The following FADS2 variants were observed in gnomAD, a reference collection of about 807,000 sequenced individuals.
FADS2 encodes the protein acyl-CoA 6-desaturase.
A neutral mutation model predicts 61.2 loss-of-function variants in FADS2; 18 were observed. The ratio of observed to expected loss-of-function variants is 0.29; its 90% CI spans 0.20 to 0.44. FADS2 has a LOEUF of 0.44. Among genes scored for constraint, FADS2 ranks in the 20% least tolerant of loss-of-function variants. The pLI is 1.00. For synonymous variants in FADS2, 203 were observed against 223.9 expected (o/e 0.91, Z 0.83); for missense variants, 322 against 572.7 (o/e 0.56, Z 4.47).
chr11:61,857,278 G>T (rs1381548719), intron 6 of FADS2, among the ~76,000 whole-genome samples, 176 bp from the exon 7 acceptor site: 3 of 152,122 alleles, frequency 2.0e-5, no homozygotes, highest in Non-Finnish European at 4.4e-5. Context: ...AGTCCCAGGG[G>T]TGACACACGT....
chr11:61,821,546 G>C (rs1026526020), intron 1 of FADS2: 9 of 656,902 alleles, frequency 1.4e-5, no homozygotes, highest in Non-Finnish European at 2.5e-5. Flanking sequence ...CCTTTACAAA[G>C]TCAACACATA....
chr11:61,848,867 C>A (rs73487485), intron 5 of FADS2: 3,565 of 153,314 alleles, frequency 0.023, 145 homozygotes, highest in African/African-American at 0.081. Flanking sequence ...TGAAGGTCAG[C>A]GAGAGGATGG....
chr11:61,866,151 C>T lies in FADS2; in HGVS notation c.*462C>T, dbSNP rs545032983. On this transcript the variant is annotated 3_prime_UTR_variant, in exon 12 of 12. Transcript: ENST00000278840. ...GTCCTAGTCGGGCAGGGCCCCTGAC[C>T]CTCCCGGCCTGGCTTCACTCTCCCT... 4 of 398,878 alleles carry T rather than the reference C, an allele frequency of 1.0e-5. No individual in the cohort carries two copies. Among genetic ancestry groups the T allele is most frequent in the African/African-American group, 2.1e-5 (1 of 48,774 alleles). The allele number at this position is 398,878 out of a possible 1,614,324, so 24.7% of individuals were successfully genotyped here. A position where few individuals can be genotyped will look rare whatever the true frequency, so the allele number is the denominator to read the frequency against.
chr11:61,828,082 G>A (rs902786412), upstream of FADS2: 202 of 1,267,636 alleles, frequency 1.6e-4, no homozygotes, highest in Non-Finnish European at 2.7e-5. The surrounding 1 kb of genome is among the most constrained non-coding windows in gnomAD (Gnocchi z 6.4). Flanking sequence ...AGGTGTCGAG[G>A]CCCTGAGCTC....
chr11:61,839,475 A>G (rs1190399810), intron 2 of FADS2, among the ~76,000 whole-genome samples: 2 of 151,958 alleles, frequency 1.3e-5, no homozygotes, highest in Non-Finnish European at 2.9e-5. Context: ...GGTGCCCATC[A>G]TCATGCCTGG....
At position 61,867,013 on chromosome 11, in the gene FADS2, G is replaced by C. The variant is rs2067477082; in HGVS notation, c.*1324G>C. On this transcript the variant is annotated 3_prime_UTR_variant, in exon 12 of 12. Coordinates refer to ENST00000278840, the MANE Select transcript of FADS2 (RefSeq NM_004265.4). The stretch of plus-strand genomic sequence containing the variant: ...GGCTGGAGGTGCTGGTAGCTGAGGG[G>C]ACGGGCAAGTGAGAGGGGAGGGAGG... 6.5e-6 allele frequency: 1 copy of C among 152,688 alleles called. No homozygotes were observed. The highest frequency in any genetic ancestry group is 2.4e-5 in the African/African-American group (1 of 41,378). The allele number at this position is 152,688 out of a possible 1,614,324, so 9.5% of individuals were successfully genotyped here.
At chr11:61,857,834 C>T (rs1023384944) in intron 7 of FADS2, among the ~76,000 whole-genome samples, 38 of 152,280 alleles carry the variant, frequency 2.5e-4, no homozygotes, top group African/African-American at 8.4e-4. Flanking sequence ...CTCCCTTCCC[C>T]GCTCCCTGTG....
At chr11:61,855,830 G>A (rs1272986573) in intron 5 of FADS2, 2 of 152,326 alleles carry the variant, frequency 1.3e-5, no homozygotes, top group African/African-American at 4.8e-5. Context: ...TTGACCTCCT[G>A]ACTGCAATAA....
chr11:61,863,243 C>A (rs767907994), intron 8 of FADS2, 39 bp from the exon 9 acceptor site: 5 of 1,542,278 alleles, frequency 3.2e-6, no homozygotes, highest in Admixed American at 1.7e-5. Flanking sequence ...TGTGGCTGGG[C>A]CCCCGGAGGC....
At chr11:61,826,314 C>T (rs950290356), upstream of FADS2, 33 of 702,416 alleles carry the variant, frequency 4.7e-5, no homozygotes, top group African/African-American at 4.4e-4. Flanking sequence ...TGCTGGGAGC[C>T]GCTGGGGACC....
At chr11:61,822,289 A>G (rs930308733) in intron 1 of FADS2, among the ~76,000 whole-genome samples, 2 of 152,200 alleles carry the variant, frequency 1.3e-5, no homozygotes, top group Admixed American at 1.3e-4. Context: ...ATCATTGTAT[A>G]GAATATAGAT....
intron 8 of FADS2, 73 bp downstream of exon 8, chr11:61,863,142 T>G: frequency 6.7e-7 from 1 of 1,490,992 alleles, no homozygotes; most frequent in Non-Finnish European, 9.3e-7. Flanking sequence ...GAGAAGAGGC[T>G]CGGACGGCTC....
chr11:61,816,981 G>T lies in FADS2; in HGVS notation c.141+555G>T. 7.4e-7 allele frequency: 1 copy of T among 1,351,728 alleles called. No individual in the cohort carries two copies. Among genetic ancestry groups the T allele is most frequent in the South Asian group, 1.8e-5 (1 of 55,116 alleles). 83.7% of individuals were successfully genotyped at this position (1,351,728 alleles called of 1,614,324 possible). On this transcript the variant is annotated intron_variant, in intron 1 of 11. Coordinates refer to the FADS2 transcript ENST00000257261. The surrounding 1 kb of genome is among the most constrained non-coding windows in gnomAD (Gnocchi z 7.0). ...GAGATCCCGTCCCCCGGTGGGTCTT[G>T]GGCAACTCACAGCTGGGCTGCCAAC...
At chr11:61,844,604 C>A (rs942933081) in intron 4 of FADS2, among the ~76,000 whole-genome samples, 1 of 150,918 alleles carries the variant, frequency 6.6e-6, no homozygotes, top group African/African-American at 2.4e-5. Context: ...TTGACAGAAA[C>A]CATCAAACTC....
intron 5 of FADS2, among the ~76,000 whole-genome samples, chr11:61,851,970 G>A (rs1298292498): frequency 6.6e-6 from 1 of 152,218 alleles, no homozygotes; most frequent in East Asian, 1.9e-4. Flanking sequence ...AAGGTTTTGT[G>A]TTTCAATCTT....
At position 61,865,171 on chromosome 11, in the gene FADS2, CG is replaced by C; in HGVS notation, c.1179del (p.His394ThrfsTer10). ...CCTCAGCCTCTTCCCCACCATGCCC[CG>C]GCACAACTTACACAAGATCGCCCCG... The part of the protein sequence containing the change: ...IEHHLFPTMP[R>X]HNLHKIAPLV... On this transcript the variant is annotated frameshift_variant, in exon 11 of 12. Transcript: ENST00000278840. LOFTEE classifies it high-confidence loss of function. This position sits in a 1 kb window ranked among gnomAD's most constrained non-coding sequence, Gnocchi z 4.1. 1 of 1,613,676 alleles carries C rather than the reference CG, an allele frequency of 6.2e-7. No homozygotes were observed. Among genetic ancestry groups the C allele is most frequent in the Non-Finnish European group, 8.5e-7 (1 of 1,179,974 alleles).
Position 61,857,539 on chromosome 11 carries a change from G to A in FADS2, c.882+9G>A, listed in dbSNP as rs759794811. On this transcript the variant is annotated intron_variant, in intron 7 of 11. Coordinates refer to ENST00000278840, the MANE Select transcript of FADS2 (RefSeq NM_004265.4). ...TCCATAAGAACTGGGTGGTGAGTTG[G>A]GGACACAGCTGGCTTGGCATGGGGA... The A allele has an allele frequency of 9.3e-6, 15 of 1,611,688 alleles. No homozygotes were observed. The highest frequency in any genetic ancestry group is 1.3e-5 in the African/African-American group (1 of 74,876).
At position 61,828,456 on chromosome 11, in the gene FADS2, C is replaced by G; in HGVS notation, c.66C>G (p.Ser22Arg). The change falls in exon 1 of 12, where the codon AGC becomes AGG. Residue 22 changes from serine (S) to arginine (R), a missense_variant. Transcript: ENST00000278840. This position sits in a 1 kb window ranked among gnomAD's most constrained non-coding sequence, Gnocchi z 6.4. ...GCGAGGTGTCGGTGCCCACCTTCAG[C>G]TGGGAGGAGATTCAGAAGCATAACC... is the stretch of plus-strand genomic sequence containing the variant. ...AEREVSVPTFSWEEIQKHNLR... is the reference protein window; with the variant it reads ...AEREVSVPTFRWEEIQKHNLR... 2 of 1,603,524 alleles carry G rather than the reference C, an allele frequency of 1.2e-6. No homozygotes were observed. Among genetic ancestry groups the G allele is most frequent in the Non-Finnish European group, 8.5e-7 (1 of 1,176,204 alleles).
intron 7 of FADS2, among the ~76,000 whole-genome samples, chr11:61,857,803 A>G (rs1478661167): frequency 6.6e-6 from 1 of 151,996 alleles, no homozygotes; most frequent in African/African-American, 2.4e-5. Flanking sequence ...AGGCAGCAGG[A>G]TGAGAGGCAA....
Sources: allele counts gnomAD v4.1 joint callset (sites outside exome capture counted in the v4.1 genomes callset), GRCh38; gene constraint gnomAD v4.1.1; non-coding constraint Gnocchi (gnomAD v3.1); transcripts MANE v1.5; gene names NCBI Gene and HGNC (gene_info 2026-07-23, HGNC 2026-07-21).